CLEC2A: variants seen among roughly 807,000 people sequenced by gnomAD.
CLEC2A encodes keratinocyte-associated C-type lectin.
In CLEC2A, 19 loss-of-function variants were observed where a neutral mutation model predicts 18.6. The ratio of observed to expected loss-of-function variants is 1.02; its 90% CI spans 0.71 to 1.50. The LOEUF is 1.50. CLEC2A is among the 40% of genes most tolerant of loss of function. CLEC2A has a pLI of 0.00. For missense variants in CLEC2A, 190 were observed against 207.9 expected (o/e 0.91, Z 0.53); for synonymous variants, 74 against 64.0 (o/e 1.16, Z -0.75).
the CLEC2A span, chr12:9,893,297 T>C: frequency 3.3e-6 from 3 of 898,386 alleles, no homozygotes; most frequent in Middle Eastern, 2.2e-4. Flanking sequence ...GTAGTCACTA[T>C]TGTTCATGAA....
At chr12:9,925,961 C>T (rs1863264395) in intron 2 of CLEC2A, among the ~76,000 whole-genome samples, 1 of 152,196 alleles carries the variant, frequency 6.6e-6, no homozygotes, top group African/African-American at 2.4e-5. Context: ...GAACCCCTGG[C>T]ATTTCAGTAA....
At chr12:9,908,771 C>T (rs1464797803), downstream of CLEC2A, among the ~76,000 whole-genome samples, 1 of 152,116 alleles carries the variant, frequency 6.6e-6, no homozygotes, top group Non-Finnish European at 1.5e-5. Context: ...TGGCTTGGCC[C>T]CCCTGTGTTC....
intron 4 of CLEC2A, among the ~76,000 whole-genome samples, chr12:9,899,261 C>T (rs945388257): frequency 2.3e-4 from 35 of 151,938 alleles, no homozygotes; most frequent in African/African-American, 8.5e-4. Context: ...GGGGAGTGTC[C>T]CATAGTACAG....
intron 1 of CLEC2A, among the ~76,000 whole-genome samples, chr12:9,931,633 T>C (rs761763468): frequency 6.6e-6 from 1 of 152,202 alleles, no homozygotes; most frequent in Non-Finnish European, 1.5e-5. Flanking sequence ...TAAACTCTGA[T>C]AGTGGTTTCA....
intron 2 of CLEC2A, among the ~76,000 whole-genome samples, chr12:9,923,573 A>G (rs963666859): frequency 6.6e-6 from 1 of 152,218 alleles, no homozygotes; most frequent in African/African-American, 2.4e-5. Context: ...CCATTCCATT[A>G]CTGGGTATAT....
the CLEC2A span, chr12:9,888,741 AT>A: frequency 6.7e-7 from 1 of 1,497,240 alleles, no homozygotes; most frequent in Non-Finnish European, 9.0e-7. Context: ...AGATAAAAAA[AT>A]GGATTTCTCC....
chr12:9,912,511 T>G (rs1326693367), downstream of CLEC2A, among the ~76,000 whole-genome samples: 2 of 152,192 alleles, frequency 1.3e-5, no homozygotes, highest in African/African-American at 4.8e-5. Flanking sequence ...TTCATTCGCC[T>G]CTTCTCGAGC....
chr12:9,879,956 C>T, the CLEC2A span, among the ~76,000 whole-genome samples: 1 of 152,214 alleles, frequency 6.6e-6, no homozygotes, highest in African/African-American at 2.4e-5. Flanking sequence ...TTGCTATCTC[C>T]ACCTCAACCA....
intron 4 of CLEC2A, among the ~76,000 whole-genome samples, chr12:9,914,177 C>G (rs117068438): frequency 0.012 from 1,812 of 152,198 alleles, 19 homozygotes; most frequent in Middle Eastern, 0.024. Flanking sequence ...CAATAGAAAC[C>G]TAAGAGACTG....
chr12:9,898,856 CA>C, exon 5 of CLEC2A: 1 of 703,950 alleles, frequency 1.4e-6, no homozygotes, highest in Non-Finnish European at 2.6e-6. Context: ...TTCCTGCTGA[CA>C]GGGGACATTG....
chr12:9,880,071 T>C, the CLEC2A span, among the ~76,000 whole-genome samples: 1 of 152,188 alleles, frequency 6.6e-6, no homozygotes, highest in East Asian at 1.9e-4. Flanking sequence ...ATACGGCAGC[T>C]GGAATAGATG....
At chr12:9,895,874 G>T (rs978933606), downstream of CLEC2A, 43 of 1,466,070 alleles carry the variant, frequency 2.9e-5, no homozygotes, top group Non-Finnish European at 3.8e-5. Context: ...TGTTAAAGCA[G>T]AGCTAGATTT....
chr12:9,895,607 A>G (rs1862747484), downstream of CLEC2A: 1 of 1,322,758 alleles, frequency 7.6e-7, no homozygotes, highest in African/African-American at 1.5e-5. Flanking sequence ...AATTACCTAT[A>G]AAAGTTTGGC....
At chr12:9,911,300 G>A (rs1441658790), downstream of CLEC2A, among the ~76,000 whole-genome samples, 2 of 152,150 alleles carry the variant, frequency 1.3e-5, no homozygotes, top group Non-Finnish European at 2.9e-5. Context: ...AAGAGCAGGA[G>A]GGCTGTTTGC....
the CLEC2A span, among the ~76,000 whole-genome samples, chr12:9,883,933 A>T: frequency 6.6e-6 from 1 of 152,210 alleles, no homozygotes; most frequent in African/African-American, 2.4e-5. Context: ...AGGTGATGAA[A>T]TTAAATGTTT....
chr12:9,920,363 GCT>G (rs973540211), intron 3 of CLEC2A, among the ~76,000 whole-genome samples: 6 of 152,152 alleles, frequency 3.9e-5, no homozygotes, highest in Non-Finnish European at 7.4e-5. Context: ...GCTCCACTTA[GCT>G]CTGTGTGTCA....
chr12:9,916,571 T>C (rs1183759218), intron 4 of CLEC2A, 129 bp downstream of exon 4: 1 of 683,980 alleles, frequency 1.5e-6, no homozygotes, highest in Admixed American at 2.3e-5. Flanking sequence ...TGTCATCGAT[T>C]GGAGACTGAA....
At chr12:9,884,391 T>C in the CLEC2A span, among the ~76,000 whole-genome samples, 5 of 151,956 alleles carry the variant, frequency 3.3e-5, no homozygotes, top group Admixed American at 2.6e-4. Flanking sequence ...AGGTGTAAGG[T>C]GAAATAAAAT....
downstream of CLEC2A, among the ~76,000 whole-genome samples, chr12:9,897,809 G>A (rs1327596832): frequency 2.6e-5 from 4 of 152,146 alleles, no homozygotes; most frequent in African/African-American, 4.8e-5. Flanking sequence ...CACTTTTGGG[G>A]TGGGTCAGAG....
Sources: gnomAD v4.1 joint callset for allele counts (sites outside exome capture counted in the v4.1 genomes callset) on GRCh38, gnomAD v4.1.1 for gene constraint, MANE v1.5 for transcripts, NCBI Gene and HGNC (gene_info 2026-07-23, HGNC 2026-07-21) for gene names.